Variants in GRIK5 observed in about 807,000 individuals in gnomAD.
GRIK5 encodes the protein glutamate ionotropic receptor kainate type subunit 5.
In GRIK5, 43 loss-of-function variants were observed where a neutral mutation model predicts 97.4. That is an observed-to-expected ratio of 0.44 (90% CI 0.35 to 0.57). The LOEUF (loss-of-function observed/expected upper bound fraction) is 0.57. GRIK5 is among the 20% of genes least tolerant of loss of function. The pLI, the probability that GRIK5 is intolerant of heterozygous loss-of-function variation, is 0.01. For synonymous variants in GRIK5, 580 were observed against 583.5 expected (o/e 0.99, Z 0.09); for missense variants, 1,015 against 1,382.0 (o/e 0.73, Z 4.21).
chr19:42,003,305 G>GGCCCC lies in GRIK5; in HGVS notation c.2514+26_2514+27insGGGGC. ...TCAGCCCCTGGGGGTCCCTGTTCCT[G>GGCCCC]CCCACCCCCACCCCCAGCCTCCTCA... On this transcript the variant is annotated intron_variant, in intron 19 of 19. Coordinates refer to ENST00000593562, the MANE Select transcript of GRIK5 (RefSeq NM_002088.5). This position sits in a 1 kb window ranked among gnomAD's most constrained non-coding sequence, Gnocchi z 4.2. 541 of 1,540,190 alleles carry GGCCCC rather than the reference G, an allele frequency of 3.5e-4. No individual in the cohort carries two copies. Among genetic ancestry groups the GGCCCC allele is most frequent in the Non-Finnish European group, 4.4e-4 (487 of 1,117,700 alleles).
chr19:42,065,190 T>TGCCTC lies in GRIK5; in HGVS notation c.244+28_244+32dup. 1 of 1,583,290 alleles carries TGCCTC rather than the reference T, an allele frequency of 6.3e-7. No homozygotes were observed. Among genetic ancestry groups the TGCCTC allele is most frequent in the Non-Finnish European group, 8.6e-7 (1 of 1,160,268 alleles). ...TGGACTGAGGGCCACCGACCTGCCC[T>TGCCTC]GCCTCACCCCACGCCCCCATGGCCC... On this transcript the variant is annotated intron_variant, in intron 3 of 19. Coordinates refer to ENST00000593562, the MANE Select transcript of GRIK5 (RefSeq NM_002088.5). The surrounding 1 kb of genome is among the most constrained non-coding windows in gnomAD (Gnocchi z 5.8).
At chr19:42,012,288 T>C (rs888059558) in intron 15 of GRIK5, among the ~76,000 whole-genome samples, 1 of 152,150 alleles carries the variant, frequency 6.6e-6, no homozygotes, top group African/African-American at 2.4e-5. Context: ...TCTCTCTCTG[T>C]TGCCCAGGTT....
At chr19:42,013,387 T>C (rs997203185) in intron 15 of GRIK5, among the ~76,000 whole-genome samples, 1 of 150,586 alleles carries the variant, frequency 6.6e-6, no homozygotes, top group Non-Finnish European at 1.5e-5. Flanking sequence ...AAAAACATCT[T>C]TTTTTTTCTT....
chr19:42,049,242 T>C (rs2076081939), intron 11 of GRIK5, among the ~76,000 whole-genome samples: 1 of 152,100 alleles, frequency 6.6e-6, no homozygotes, highest in African/African-American at 2.4e-5. Context: ...TTCAACCACT[T>C]TGGAAGACAC....
intron 15 of GRIK5, among the ~76,000 whole-genome samples, chr19:42,012,333 C>T (rs566995506): frequency 6.6e-6 from 1 of 152,272 alleles, no homozygotes; most frequent in African/African-American, 2.4e-5. Context: ...TTACTGCAAC[C>T]TCTGCCTCCC....
In GRIK5 at chr19:42,006,222, G is replaced by A. The variant is rs1242894730; in HGVS notation, c.2038-274C>T. 6.6e-6 allele frequency among the ~76,000 whole-genome samples: 1 copy of A among 152,052 alleles called. No homozygotes were observed. The highest frequency in any genetic ancestry group is 1.5e-5 in the Non-Finnish European group (1 of 67,990). On this transcript the variant is annotated intron_variant, in intron 16 of 19. Transcript: ENST00000593562. The surrounding 1 kb of genome is among the most constrained non-coding windows in gnomAD (Gnocchi z 5.3). Reference sequence around the variant, plus strand: ...CCCCTTAACCCTCCAGCCGGTGGCCGCTGCCCAACTCAGGCCTCCTTTAGA... The same window carrying A: ...CCCCTTAACCCTCCAGCCGGTGGCCACTGCCCAACTCAGGCCTCCTTTAGA...
In GRIK5 at chr19:42,065,652, G is replaced by A. The variant is rs1220446422; in HGVS notation, c.79+40C>T. On this transcript the variant is annotated intron_variant, in intron 2 of 19. Transcript: ENST00000593562. This position sits in a 1 kb window ranked among gnomAD's most constrained non-coding sequence, Gnocchi z 5.8. ...TGCCTGGGTCCCCAGAGGAGCCCCA[G>A]GGCCTGAGGATGCAGGGGCAGGGTG... is the stretch of plus-strand genomic sequence containing the variant. 3.3e-6 allele frequency: 5 copies of A among 1,499,082 alleles called. No homozygotes were observed. The highest frequency in any genetic ancestry group is 9.0e-7 in the Non-Finnish European group (1 of 1,106,330). The allele number at this position is 1,499,082 out of a possible 1,614,324, so 92.9% of individuals were successfully genotyped here.
rs1014232963 is a variant in GRIK5, at chr19:42,021,205, T to G, written c.1871+96A>C. 90 of 988,820 alleles carry G rather than the reference T, an allele frequency of 9.1e-5. No individual in the cohort carries two copies. Among genetic ancestry groups the G allele is most frequent in the Non-Finnish European group, 1.3e-4 (85 of 677,856 alleles). The allele number at this position is 988,820 out of a possible 1,614,324, so 61.3% of individuals were successfully genotyped here. A position where few individuals can be genotyped will look rare whatever the true frequency, so the allele number is the denominator to read the frequency against. Reference sequence around the variant, plus strand: ...CAGCTCTGCAAGGGAAAACGGGGAATCAAATCTTCCAGGAGATGCCACAGC... The same window carrying G: ...CAGCTCTGCAAGGGAAAACGGGGAAGCAAATCTTCCAGGAGATGCCACAGC... On this transcript the variant is annotated intron_variant, in intron 15 of 19. Coordinates refer to ENST00000593562, the MANE Select transcript of GRIK5 (RefSeq NM_002088.5). The surrounding 1 kb of genome is among the most constrained non-coding windows in gnomAD (Gnocchi z 4.2).
Position 42,065,128 on chromosome 19 carries a change from G to A in GRIK5, c.244+95C>T. On this transcript the variant is annotated intron_variant, in intron 3 of 19. Coordinates refer to ENST00000593562, the MANE Select transcript of GRIK5 (RefSeq NM_002088.5). This position sits in a 1 kb window ranked among gnomAD's most constrained non-coding sequence, Gnocchi z 5.8. ...AAGAAGGGGGAGGATGGAGCTAGAA[G>A]AGGACAAGGCCAGGCCAGAGGCCAG... 1 of 1,062,354 alleles carries A rather than the reference G, an allele frequency of 9.4e-7. No individual in the cohort carries two copies. The highest frequency in any genetic ancestry group is 1.4e-6 in the Non-Finnish European group (1 of 730,626). 65.8% of individuals were successfully genotyped at this position (1,062,354 alleles called of 1,614,324 possible).
Position 42,053,713 on chromosome 19 carries a change from G to T in GRIK5, c.1162-4C>A. 6.3e-7 allele frequency: 1 copy of T among 1,596,082 alleles called. No homozygotes were observed. Among genetic ancestry groups the T allele is most frequent in the Non-Finnish European group, 8.6e-7 (1 of 1,163,510 alleles). On this transcript the variant is annotated splice_region_variant and splice_polypyrimidine_tract_variant and intron_variant, in intron 10 of 19. Transcript: ENST00000593562. The stretch of plus-strand genomic sequence containing the variant: ...GGTTAGAGTACCACACCCCAATCTA[G>T]GGGGCAGAGAGGGTGCTGTCAGCTC...
At chr19:42,039,144 C>A (rs2075946605) in intron 12 of GRIK5, among the ~76,000 whole-genome samples, 1 of 152,206 alleles carries the variant, frequency 6.6e-6, no homozygotes, top group South Asian at 2.1e-4. Flanking sequence ...CTGCTTCCCC[C>A]AACCCCAGGG....
rs1555870286 is a variant in GRIK5 at position 41,999,167 on chromosome 19, T to G, written c.2647A>C (p.Met883Leu). 1 of 1,504,768 alleles carries G rather than the reference T, an allele frequency of 6.6e-7. No individual in the cohort carries two copies. Among genetic ancestry groups the G allele is most frequent in the African/African-American group, 1.5e-5 (1 of 68,792 alleles). 93.2% of individuals were successfully genotyped at this position (1,504,768 alleles called of 1,614,324 possible). ...ALLSLRAVREMRLSNGKLYSA... is the reference protein window; with the variant it reads ...ALLSLRAVRELRLSNGKLYSA... Reference sequence around the variant, plus strand: ...TAGAGCTTGCCGTTGCTGAGGCGCATCTCGCGGACCGCGCGCAGTGACAGC... The same window carrying G: ...TAGAGCTTGCCGTTGCTGAGGCGCAGCTCGCGGACCGCGCGCAGTGACAGC... The change falls in exon 20 of 20, where the codon ATG becomes CTG. Residue 883 changes from methionine to leucine, a missense_variant. Met to Leu is a conservative substitution (Grantham distance 15). Transcript: ENST00000593562. The surrounding 1 kb of genome is among the most constrained non-coding windows in gnomAD (Gnocchi z 5.0).
Position 42,065,630 on chromosome 19 carries a change from C to A in GRIK5, c.79+62G>T. The A allele has an allele frequency of 7.3e-7, 1 of 1,368,002 alleles. No homozygotes were observed. Among genetic ancestry groups the A allele is most frequent in the Non-Finnish European group, 1.0e-6 (1 of 999,106 alleles). 84.7% of individuals were successfully genotyped at this position (1,368,002 alleles called of 1,614,324 possible). A position where few individuals can be genotyped will look rare whatever the true frequency, so the allele number is the denominator to read the frequency against. On this transcript the variant is annotated intron_variant, in intron 2 of 19. Coordinates refer to ENST00000593562, the MANE Select transcript of GRIK5 (RefSeq NM_002088.5). The surrounding 1 kb of genome is among the most constrained non-coding windows in gnomAD (Gnocchi z 5.8). ...CCTGGACCCTGACGGACTGGCATGC[C>A]TGGGTCCCCAGAGGAGCCCCAGGGC...
intron 15 of GRIK5, among the ~76,000 whole-genome samples, chr19:42,012,106 GC>G (rs2075570171): frequency 6.6e-6 from 1 of 152,184 alleles, no homozygotes; most frequent in South Asian, 2.1e-4. Context: ...GTTTGAACCA[GC>G]GGCTGGCTAA....
Position 42,042,438 on chromosome 19 carries a change from CT to C in GRIK5, c.1473+113del. The C allele has an allele frequency of 1.1e-6, 1 of 917,992 alleles. No individual in the cohort carries two copies. The highest frequency in any genetic ancestry group is 1.7e-6 in the Non-Finnish European group (1 of 597,382). The allele number at this position is 917,992 out of a possible 1,614,324, so 56.9% of individuals were successfully genotyped here. On this transcript the variant is annotated intron_variant, in intron 12 of 19. Coordinates refer to ENST00000593562, the MANE Select transcript of GRIK5 (RefSeq NM_002088.5). The surrounding 1 kb of genome is among the most constrained non-coding windows in gnomAD (Gnocchi z 6.9). The stretch of plus-strand genomic sequence containing the variant: ...TGGTGTCAGGGGCCCTTCATGGCTC[CT>C]TCCTCTTCTGCCACCAGCCAGGCTG...
chr19:42,036,697 C>A (rs2075910158), intron 12 of GRIK5, among the ~76,000 whole-genome samples: 1 of 152,170 alleles, frequency 6.6e-6, no homozygotes, highest in Non-Finnish European at 1.5e-5. Flanking sequence ...CTGGGGACAA[C>A]ATTTCTAAAG....
chr19:42,066,024 C>T (rs1019829919), intron 1 of GRIK5, among the ~76,000 whole-genome samples: 2 of 152,126 alleles, frequency 1.3e-5, no homozygotes, highest in African/African-American at 4.8e-5. Flanking sequence ...GGGGCACTAC[C>T]AGGGTGGAGG....
intron 15 of GRIK5, among the ~76,000 whole-genome samples, chr19:42,019,082 G>T (rs2075666410): frequency 6.6e-6 from 1 of 152,150 alleles, no homozygotes; most frequent in Non-Finnish European, 1.5e-5. Flanking sequence ...GATGGGAAGG[G>T]GCAGAAAACA....
chr19:42,042,426 C>G lies in GRIK5; in HGVS notation c.1473+126G>C. On this transcript the variant is annotated intron_variant, in intron 12 of 19. Transcript: ENST00000593562. This position sits in a 1 kb window ranked among gnomAD's most constrained non-coding sequence, Gnocchi z 6.9. ...ACATCAGTGAGGTGGTGTCAGGGGC[C>G]CTTCATGGCTCCTTCCTCTTCTGCC... 1.3e-6 allele frequency: 1 copy of G among 797,570 alleles called. No homozygotes were observed. Among genetic ancestry groups the G allele is most frequent in the Non-Finnish European group, 2.0e-6 (1 of 495,532 alleles). The allele number at this position is 797,570 out of a possible 1,614,324, so 49.4% of individuals were successfully genotyped here. A position where few individuals can be genotyped will look rare whatever the true frequency, so the allele number is the denominator to read the frequency against.
Sources: gnomAD v4.1 joint callset for allele counts (sites outside exome capture counted in the v4.1 genomes callset) on GRCh38, gnomAD v4.1.1 for gene constraint, Gnocchi (gnomAD v3.1) non-coding constraint, MANE v1.5 for transcripts, NCBI Gene and HGNC (gene_info 2026-07-23, HGNC 2026-07-21) for gene names.